The following ROBO2 variants were observed in gnomAD, a reference collection of about 807,000 sequenced individuals.
The protein encoded by ROBO2 is roundabout homolog 2.
A neutral mutation model predicts 160.8 loss-of-function variants in ROBO2; 53 were observed. That is an observed-to-expected ratio of 0.33 (90% CI 0.26 to 0.41). The LOEUF (loss-of-function observed/expected upper bound fraction) is 0.41. Among genes scored for constraint, ROBO2 ranks in the 10% least tolerant of loss-of-function variants. The probability of loss-of-function intolerance (pLI) is 1.00; values close to 1 mark genes in which losing one functional copy is unlikely to be tolerated. For missense variants in ROBO2, 1,577 were observed against 1,722.4 expected (o/e 0.92, Z 1.49); for synonymous variants, 664 against 611.7 (o/e 1.09, Z -1.26).
At chr3:76,603,342 AAAAAAAAAAATATATATAT>A (rs1247688066) in intron 2 of ROBO2, among the ~76,000 whole-genome samples, 8 of 69,316 alleles carry the variant, frequency 1.2e-4, no homozygotes, top group South Asian at 5.6e-4. Context: ...CAAAAAAAAA[AAAAAAAAAAATATATATAT>A]ATATATATAT....
At chr3:76,341,418 G>T (rs1209221471) in intron 2 of ROBO2, among the ~76,000 whole-genome samples, 16 of 68,434 alleles carry the variant, frequency 2.3e-4, no homozygotes, top group East Asian at 1.2e-3. Flanking sequence ...TTTTTAAAGC[G>T]TAAAAAAAAA....
At position 77,431,498 on chromosome 3, in the gene ROBO2, T is replaced by G. The variant is rs1380730188; in HGVS notation, c.389-45916T>G. The stretch of plus-strand genomic sequence containing the variant: ...ATAGATATAAATAATTATTGATTTC[T>G]ATTAAATTAAGCCTCTCTTTTCAGC... On this transcript the variant is annotated intron_variant, in intron 2 of 25. Coordinates refer to ENST00000461745, the Ensembl canonical transcript of ROBO2. Among the ~76,000 whole-genome samples the G allele has an allele frequency of 2.0e-5, 3 of 152,210 alleles. No homozygotes were observed. The East Asian group carries it at 5.8e-4, about 29-fold the overall frequency.
Position 77,579,906 on chromosome 3 carries a change from T to C in ROBO2, c.2329-41T>C, listed in dbSNP as rs766447709. On this transcript the variant is annotated intron_variant, in intron 15 of 25. Coordinates refer to ENST00000461745, the Ensembl canonical transcript of ROBO2. Reference sequence around the variant, plus strand: ...ACAGTAGTCTCGTTACCAGAAACGATAATCTTATATCCATGTGTTATTCAC... The same window carrying C: ...ACAGTAGTCTCGTTACCAGAAACGACAATCTTATATCCATGTGTTATTCAC... The C allele has an allele frequency of 1.3e-5, 21 of 1,560,424 alleles. No individual in the cohort carries two copies. In the African/African-American group the frequency reaches 2.8e-4, roughly 21 times the overall value.
intron 2 of ROBO2, among the ~76,000 whole-genome samples, chr3:76,416,355 T>G (rs2075756959): frequency 6.6e-6 from 1 of 152,132 alleles, no homozygotes; most frequent in Admixed American, 6.5e-5. Context: ...AAAGCCAAGT[T>G]AAATATGAAG....
intron 2 of ROBO2, among the ~76,000 whole-genome samples, chr3:75,977,344 A>T (rs1342269006): frequency 6.6e-6 from 1 of 151,532 alleles, no homozygotes; most frequent in East Asian, 2.0e-4. Context: ...TGCTTGGTAG[A>T]ATGGATTATC....
At chr3:77,316,096 T>C (rs529361439) in intron 2 of ROBO2, among the ~76,000 whole-genome samples, 3 of 152,294 alleles carry the variant, frequency 2.0e-5, no homozygotes, top group Admixed American at 2.0e-4. Flanking sequence ...TCACGCAGAC[T>C]CTTCCAAGCT....
At chr3:76,346,275 T>C (rs1431160159) in intron 2 of ROBO2, among the ~76,000 whole-genome samples, 1 of 151,020 alleles carries the variant, frequency 6.6e-6, no homozygotes, top group Admixed American at 6.6e-5. Flanking sequence ...TGAGACAGAG[T>C]CTCGCTCTGT....
At chr3:77,325,788 G>A (rs1466108853) in intron 2 of ROBO2, among the ~76,000 whole-genome samples, 1 of 130,212 alleles carries the variant, frequency 7.7e-6, no homozygotes, top group Admixed American at 8.2e-5. Context: ...TAAACTACAT[G>A]CTCATCCAAT....
intron 2 of ROBO2, among the ~76,000 whole-genome samples, chr3:76,941,851 TTGAC>T (rs1222179009): frequency 1.3e-5 from 2 of 152,158 alleles, no homozygotes; most frequent in Non-Finnish European, 2.9e-5. Flanking sequence ...TAAATTTACT[TTGAC>T]TGACCAGAGA....
rs71629626 is a variant in ROBO2 at position 76,938,971 on chromosome 3, C to CAAAAAAAAAAAAAAAAAAAA, written c.110-159037_110-159018dup. On this transcript the variant is annotated intron_variant, in intron 2 of 26. Transcript: ENST00000487694. ...GGGCGACAAGAGCAAAACTCAGTCT[C>CAAAAAAAAAAAAAAAAAAAA]AAAAAAAAAAAAAAAAAAAAAAAAA... Among the ~76,000 whole-genome samples, 43 of 114,578 alleles carry CAAAAAAAAAAAAAAAAAAAA rather than the reference C, an allele frequency of 3.8e-4. 2 individuals carry two copies. The highest frequency in any genetic ancestry group is 1.3e-3 in the African/African-American group (41 of 31,830). 75.2% of individuals were successfully genotyped at this position (114,578 alleles called of 152,430 possible).
At chr3:76,245,718 A>C (rs1168056758) in intron 2 of ROBO2, among the ~76,000 whole-genome samples, 1 of 152,046 alleles carries the variant, frequency 6.6e-6, no homozygotes, top group Non-Finnish European at 1.5e-5. Context: ...TGCTCAATTT[A>C]TCTATAATAA....
chr3:76,167,792 AC>A (rs2072894050), intron 2 of ROBO2, among the ~76,000 whole-genome samples: 1 of 152,236 alleles, frequency 6.6e-6, no homozygotes, highest in African/African-American at 2.4e-5. Flanking sequence ...TTGCTTAATA[AC>A]AGTAGATTTG....
intron 2 of ROBO2, among the ~76,000 whole-genome samples, chr3:76,676,036 A>G (rs2092399045): frequency 6.6e-6 from 1 of 152,168 alleles, no homozygotes; most frequent in Non-Finnish European, 1.5e-5. Context: ...CATATGCTAT[A>G]TTGTTAAGTT....
chr3:77,604,794 G>A (rs2094494671), intron 20 of ROBO2, among the ~76,000 whole-genome samples: 1 of 151,986 alleles, frequency 6.6e-6, no homozygotes, highest in African/African-American at 2.4e-5. Flanking sequence ...GGTATTATAA[G>A]ATTTTCTTAA....
intron 2 of ROBO2, among the ~76,000 whole-genome samples, chr3:76,179,289 T>G (rs1701385309): frequency 6.6e-6 from 1 of 152,098 alleles, no homozygotes; most frequent in Admixed American, 6.6e-5. Context: ...GTTATCACAG[T>G]CTACCTGAAG....
Position 76,490,943 on chromosome 3 carries a change from AT to A in ROBO2, c.109+553342del, listed in dbSNP as rs534282291. ...ACAGAATTAATTCATTTGATCCTCA[AT>A]GAAGATTAATTTTGTTTTTTTTTTG... On this transcript the variant is annotated intron_variant, in intron 2 of 26. Transcript: ENST00000487694. Among the ~76,000 whole-genome samples the A allele has an allele frequency of 1.5e-4, 23 of 149,186 alleles. No individual in the cohort carries two copies. The South Asian group carries it at 4.4e-3, about 29-fold the overall frequency.
chr3:76,670,263 A>C (rs1474953632), intron 2 of ROBO2, among the ~76,000 whole-genome samples: 1 of 151,348 alleles, frequency 6.6e-6, no homozygotes, highest in African/African-American at 2.4e-5. Context: ...ACATTTTATG[A>C]ATTTCCCTGG....
At chr3:75,918,241 T>C (rs1434169488) in intron 1 of ROBO2, among the ~76,000 whole-genome samples, 8 of 152,210 alleles carry the variant, frequency 5.3e-5, no homozygotes, top group Non-Finnish European at 1.2e-4. Context: ...CAGTTTCTCT[T>C]TTCTGCATAT....
intron 2 of ROBO2, among the ~76,000 whole-genome samples, chr3:77,329,992 A>G (rs2065818627): frequency 6.6e-6 from 1 of 152,300 alleles, no homozygotes; most frequent in South Asian, 2.1e-4. Context: ...GAACTTCACC[A>G]TTAGACAGAC....
Sources: allele counts gnomAD v4.1 joint callset (sites outside exome capture counted in the v4.1 genomes callset), GRCh38; gene constraint gnomAD v4.1.1; transcripts MANE v1.5; gene names NCBI Gene and HGNC (gene_info 2026-07-23, HGNC 2026-07-21).